DNAI4: variants seen among roughly 807,000 people sequenced by gnomAD.
DNAI4 encodes WD repeat domain 78.
In DNAI4, 85 loss-of-function variants were observed where a neutral mutation model predicts 105.8. That is an observed-to-expected ratio of 0.80 (90% CI 0.67 to 0.96). The LOEUF (loss-of-function observed/expected upper bound fraction) is 0.96, where lower values mean the gene tolerates loss of function less well. Ranked by LOEUF, DNAI4 falls within the 40% of genes least tolerant of loss-of-function variation. The pLI is 0.00. For missense variants in DNAI4, 1,014 were observed against 1,005.6 expected (o/e 1.01, Z -0.11); for synonymous variants, 352 against 331.5 (o/e 1.06, Z -0.67).
intron 16 of DNAI4, 128 bp from the exon 17 acceptor site, chr1:66,814,308 A>G: frequency 1.5e-6 from 1 of 665,186 alleles, no homozygotes; most frequent in African/African-American, 1.8e-5. Context: ...TAAAAGGGAA[A>G]CAAGCAAAGG....
Position 66,813,552 on chromosome 1 carries a change from A to C in DNAI4, c.*578T>G, listed in dbSNP as rs937137265. ...ATTGGGAATGTGATAAGCGCTGGTCAAACCATAAAATTCTGATATTTACTG... is the reference window on the plus strand; with the variant it reads ...ATTGGGAATGTGATAAGCGCTGGTCCAACCATAAAATTCTGATATTTACTG... On this transcript the variant is annotated 3_prime_UTR_variant, in exon 17 of 17. Transcript: ENST00000371026. 3.3e-5 allele frequency: 5 copies of C among 152,368 alleles called. No homozygotes were observed. Among genetic ancestry groups the C allele is most frequent in the African/African-American group, 1.2e-4 (5 of 41,454 alleles). 9.4% of individuals were successfully genotyped at this position (152,368 alleles called of 1,614,324 possible).
chr1:66,836,248 GAGAGAGAGAAAGAAAGAAAGAAAGAA>G (rs1557908630), intron 10 of DNAI4, among the ~76,000 whole-genome samples: 2 of 120,646 alleles, frequency 1.7e-5, no homozygotes, highest in African/African-American at 6.3e-5. Flanking sequence ...GAAAGAAAGA[GAGAGAGAGAAAGAAAGAAAGAAAGAA>G]AGAAAGAAAG....
intron 3 of DNAI4, among the ~76,000 whole-genome samples, chr1:66,891,784 GAC>G (rs1647673571): frequency 1.3e-5 from 2 of 152,172 alleles, no homozygotes; most frequent in Non-Finnish European, 2.9e-5. Flanking sequence ...TTAGAAGAAA[GAC>G]ATGTTAAACA....
At chr1:66,904,187 T>C (rs1350001598) in intron 2 of DNAI4, among the ~76,000 whole-genome samples, 2 of 152,106 alleles carry the variant, frequency 1.3e-5, no homozygotes, top group Non-Finnish European at 2.9e-5. Context: ...TGAACATTCA[T>C]GTAGTAGTGT....
At chr1:66,869,884 G>C (rs1646805257) in intron 6 of DNAI4, among the ~76,000 whole-genome samples, 1 of 152,128 alleles carries the variant, frequency 6.6e-6, no homozygotes, top group African/African-American at 2.4e-5. Flanking sequence ...CCCATGTATG[G>C]TTATTTACCA....
chr1:66,885,463 T>C (rs1647172520), intron 4 of DNAI4, among the ~76,000 whole-genome samples: 2 of 152,250 alleles, frequency 1.3e-5, no homozygotes, highest in South Asian at 4.1e-4. Context: ...TATAGAATTA[T>C]AGAATGCCAG....
intron 3 of DNAI4, 25 bp from the exon 4 acceptor site, chr1:66,891,291 C>T: frequency 6.6e-7 from 1 of 1,519,702 alleles, no homozygotes; most frequent in Non-Finnish European, 9.1e-7. Flanking sequence ...AACAAAATTA[C>T]TCATTTATTT....
At chr1:66,822,298 C>G in intron 16 of DNAI4, 63 bp downstream of exon 16, 3 of 1,386,932 alleles carry the variant, frequency 2.2e-6, no homozygotes, top group Non-Finnish European at 2.9e-6. Flanking sequence ...CCTTTGCATG[C>G]TACAAAAGTA....
intron 11 of DNAI4, 113 bp from the exon 12 acceptor site, chr1:66,834,261 T>A: frequency 1.3e-6 from 1 of 751,484 alleles, no homozygotes; most frequent in Non-Finnish European, 2.0e-6. Context: ...ATTTATATAA[T>A]CCTTTTATTG....
chr1:66,814,393 A>G (rs1260390069), intron 16 of DNAI4, among the ~76,000 whole-genome samples: 3 of 151,692 alleles, frequency 2.0e-5, no homozygotes, highest in African/African-American at 7.3e-5. Flanking sequence ...TTTTTGAGAC[A>G]GAGTCTTGCT....
chr1:66,832,623 G>C (rs1645891269), intron 13 of DNAI4, among the ~76,000 whole-genome samples: 1 of 152,104 alleles, frequency 6.6e-6, no homozygotes, highest in South Asian at 2.1e-4. Context: ...AGTGACTATA[G>C]TCAATAATAA....
intron 1 of DNAI4, among the ~76,000 whole-genome samples, chr1:66,911,885 AGGCTGGAGTGCAGT>A (rs1649685057): frequency 6.6e-6 from 1 of 152,128 alleles, no homozygotes; most frequent in East Asian, 1.9e-4. Context: ...TCTGTTGCCC[AGGCTGGAGTGCAGT>A]GGCTCAATCT....
At chr1:66,852,416 AAAG>A (rs936428191) in intron 7 of DNAI4, among the ~76,000 whole-genome samples, 2 of 152,022 alleles carry the variant, frequency 1.3e-5, no homozygotes, top group African/African-American at 4.8e-5. Flanking sequence ...AAAGTGCAAA[AAAG>A]AAAGCTACAA....
chr1:66,892,941 GAAGAAAGAGAAGAAAGA>G lies in DNAI4; in HGVS notation c.530+271_530+287del, dbSNP rs1156355707. 4.6e-4 allele frequency among the ~76,000 whole-genome samples: 39 copies of G among 85,414 alleles called. 1 individual carries two copies. The highest frequency in any genetic ancestry group is 1.8e-3 in the African/African-American group (36 of 20,280). The allele number at this position is 85,414 out of a possible 152,430, so 56.0% of individuals were successfully genotyped here. The stretch of plus-strand genomic sequence containing the variant: ...AAGAAAGAGAGAAAGAGAAGAAAGA[GAAGAAAGAGAAGAAAGA>G]AAGAAAGAAAGAAAGAAAGAAAGAA... On this transcript the variant is annotated intron_variant, in intron 3 of 16. Transcript: ENST00000371026.
intron 16 of DNAI4, among the ~76,000 whole-genome samples, chr1:66,821,091 C>CTTTTTTTTTTT (rs55811909): frequency 1.2e-5 from 1 of 80,326 alleles, no homozygotes; most frequent in African/African-American, 5.1e-5. Flanking sequence ...AAACATTTCT[C>CTTTTTTTTTTT]TTTTTTTTTT....
At chr1:66,847,975 C>A (rs1646313778) in intron 7 of DNAI4, 1 of 360,426 alleles carries the variant, frequency 2.8e-6, no homozygotes, top group Non-Finnish European at 5.1e-6. Flanking sequence ...AGATGATCAG[C>A]CTTCAGAAAA....
intron 4 of DNAI4, among the ~76,000 whole-genome samples, chr1:66,882,899 A>C (rs1268821021): frequency 6.6e-6 from 1 of 152,170 alleles, no homozygotes; most frequent in African/African-American, 2.4e-5. Context: ...ATATCTTTAC[A>C]ATACTGAATG....
chr1:66,918,579 A>T (rs1650243411), intron 1 of DNAI4, among the ~76,000 whole-genome samples: 1 of 152,202 alleles, frequency 6.6e-6, no homozygotes, highest in Admixed American at 6.5e-5. Flanking sequence ...TGGACTTCAG[A>T]GTAATATAGC....
intron 1 of DNAI4, among the ~76,000 whole-genome samples, chr1:66,919,361 A>G (rs1416151992): frequency 6.6e-6 from 1 of 152,224 alleles, no homozygotes; most frequent in Non-Finnish European, 1.5e-5. Flanking sequence ...ATTAACTCAT[A>G]AAACAGTTCT....
Sources: allele counts gnomAD v4.1 joint callset (sites outside exome capture counted in the v4.1 genomes callset), GRCh38; gene constraint gnomAD v4.1.1; transcripts MANE v1.5; gene names NCBI Gene and HGNC (gene_info 2026-07-23, HGNC 2026-07-21).